Variants in RYR2 observed in about 807,000 individuals in gnomAD.
RYR2 encodes ryanodine receptor 2, also known as cardiac muscle ryanodine receptor-calcium release channel.
A neutral mutation model predicts 601.1 loss-of-function variants in RYR2; 227 were observed. That is an observed-to-expected ratio of 0.38 (90% CI 0.34 to 0.42). The LOEUF (loss-of-function observed/expected upper bound fraction) is 0.42, where lower values mean the gene tolerates loss of function less well. RYR2 is among the 10% of genes least tolerant of loss of function. The pLI, the probability that RYR2 is intolerant of heterozygous loss-of-function variation, is 1.00. For synonymous variants in RYR2, 2,223 were observed against 2,175.1 expected (o/e 1.02, Z -0.61); for missense variants, 4,646 against 6,156.5 (o/e 0.75, Z 8.21).
intron 1 of RYR2, among the ~76,000 whole-genome samples, chr1:237,103,013 A>G (rs988221500): frequency 5.4e-4 from 83 of 152,322 alleles, no homozygotes; most frequent in African/African-American, 1.9e-3. Context: ...TATGAAACAG[A>G]AACTCCACGA....
intron 4 of RYR2, among the ~76,000 whole-genome samples, chr1:237,363,215 C>CA (rs1699926892): frequency 6.6e-6 from 1 of 152,002 alleles, no homozygotes; most frequent in Admixed American, 6.6e-5. Flanking sequence ...GATATCTCTA[C>CA]CATTAGTGAG....
At chr1:237,706,154 C>CAT (rs367653398) in intron 67 of RYR2, among the ~76,000 whole-genome samples, 40 of 152,236 alleles carry the variant, frequency 2.6e-4, no homozygotes, top group African/African-American at 9.4e-4. Flanking sequence ...GAGGCTGAGG[C>CAT]ATGAGAATCG....
At chr1:237,527,233 C>T (rs1465685613) in intron 24 of RYR2, among the ~76,000 whole-genome samples, 1 of 152,120 alleles carries the variant, frequency 6.6e-6, no homozygotes, top group African/African-American at 2.4e-5. Context: ...CAATGTGATG[C>T]CTCTGGATTT....
At chr1:237,505,381 C>T (rs1043691331) in intron 22 of RYR2, among the ~76,000 whole-genome samples, 1 of 152,176 alleles carries the variant, frequency 6.6e-6, no homozygotes, top group Admixed American at 6.5e-5. Flanking sequence ...AGATCAAAGA[C>T]ATTGCTTCCA....
At chr1:237,206,468 TAAA>T (rs1681833523) in intron 1 of RYR2, among the ~76,000 whole-genome samples, 1 of 152,226 alleles carries the variant, frequency 6.6e-6, no homozygotes, top group African/African-American at 2.4e-5. Context: ...TTGTTGGATG[TAAA>T]AAAGAAAGTT....
chr1:237,045,041 TTGATAG>T (rs1660405903), intron 1 of RYR2, among the ~76,000 whole-genome samples: 1 of 152,080 alleles, frequency 6.6e-6, no homozygotes, highest in Non-Finnish European at 1.5e-5. Context: ...GGAAGAATTC[TTGATAG>T]TGATGGATGA....
intron 1 of RYR2, among the ~76,000 whole-genome samples, chr1:237,169,330 T>G (rs1677073765): frequency 6.6e-6 from 1 of 152,062 alleles, no homozygotes; most frequent in Middle Eastern, 3.4e-3. Flanking sequence ...GATGGAGTCT[T>G]GCTTTGTCGC....
intron 70 of RYR2, among the ~76,000 whole-genome samples, chr1:237,711,242 A>T (rs1170709814): frequency 6.6e-6 from 1 of 152,184 alleles, no homozygotes; most frequent in Non-Finnish European, 1.5e-5. Context: ...AAATTGGCTA[A>T]TGTGTTATGT....
chr1:237,525,241 T>TTA lies in RYR2; in HGVS notation c.2823-5186_2823-5185insTA, dbSNP rs533543457. ...ATGAAGTATTTAATTTTCTTTTAAA[T>TTA]GATGAGGATAATGGCCTCCAACTTT... is the stretch of plus-strand genomic sequence containing the variant. On this transcript the variant is annotated intron_variant, in intron 24 of 104. Coordinates refer to ENST00000366574, the MANE Select transcript of RYR2 (RefSeq NM_001035.3). Among the ~76,000 whole-genome samples the TTA allele has an allele frequency of 6.3e-3, 960 of 152,286 alleles. 8 individuals are homozygous for TTA. The highest frequency in any genetic ancestry group is 0.041 in the Middle Eastern group (12 of 294).
intron 25 of RYR2, among the ~76,000 whole-genome samples, chr1:237,531,838 C>T (rs1440419852): frequency 6.6e-6 from 1 of 152,122 alleles, no homozygotes; most frequent in African/African-American, 2.4e-5. Flanking sequence ...TTGAGTGTAT[C>T]TTATGAGCAC....
In RYR2 at chr1:237,543,285, G is replaced by A. The variant is rs369798618; in HGVS notation, c.2907-5146G>A. Among the ~76,000 whole-genome samples the A allele has an allele frequency of 3.3e-5, 5 of 152,176 alleles. No homozygotes were observed. In the East Asian group the frequency reaches 7.7e-4, roughly 24 times the overall value. On this transcript the variant is annotated intron_variant, in intron 25 of 104. Transcript: ENST00000366574. The stretch of plus-strand genomic sequence containing the variant: ...AAGTAAAAAGGAGTTTGGGGTCAGG[G>A]GAGTAGGGCACATCTTCATATTACA...
intron 1 of RYR2, among the ~76,000 whole-genome samples, chr1:237,197,523 T>A (rs1345910944): frequency 6.6e-6 from 1 of 152,210 alleles, no homozygotes; most frequent in African/African-American, 2.4e-5. Flanking sequence ...ACCTAACAGT[T>A]TTTATCACAA....
At chr1:237,701,319 T>G (rs1000788638) in intron 65 of RYR2, among the ~76,000 whole-genome samples, 3 of 152,168 alleles carry the variant, frequency 2.0e-5, no homozygotes, top group African/African-American at 7.2e-5. Flanking sequence ...TCAGCTGAAG[T>G]CAGGAGTTCG....
chr1:237,139,097 A>G (rs1440478145), intron 1 of RYR2, among the ~76,000 whole-genome samples: 1 of 152,248 alleles, frequency 6.6e-6, no homozygotes, highest in East Asian at 1.9e-4. Context: ...TCCTAGCAGC[A>G]TTATTCAGCC....
chr1:237,042,878 G>T (rs927007401), intron 1 of RYR2, among the ~76,000 whole-genome samples: 22 of 152,170 alleles, frequency 1.4e-4, no homozygotes, highest in African/African-American at 4.8e-4. Context: ...GCGGGAACCG[G>T]GAGAGGAGGG....
At chr1:237,136,319 G>A (rs560014867) in intron 1 of RYR2, among the ~76,000 whole-genome samples, 55 of 152,156 alleles carry the variant, frequency 3.6e-4, no homozygotes, top group Non-Finnish European at 7.1e-4. Context: ...TGCATAAGGG[G>A]CTGAATAACC....
At position 237,651,286 on chromosome 1, in the gene RYR2, T is replaced by A. The variant is rs1011788099; in HGVS notation, c.7734-125T>A. The A allele has an allele frequency of 1.3e-4, 91 of 684,246 alleles. No homozygotes were observed. The African/African-American group carries it at 1.5e-3, about 11-fold the overall frequency. The allele number at this position is 684,246 out of a possible 1,614,324, so 42.4% of individuals were successfully genotyped here. A position where few individuals can be genotyped will look rare whatever the true frequency, so the allele number is the denominator to read the frequency against. ...GGTTAATCTTTGGACAAAGAACATC[T>A]AATGAATACCATCTGAAGTGAGGTA... is the stretch of plus-strand genomic sequence containing the variant. On this transcript the variant is annotated intron_variant, in intron 50 of 104. Coordinates refer to ENST00000366574, the MANE Select transcript of RYR2 (RefSeq NM_001035.3).
chr1:237,110,725 C>T (rs141691203), intron 1 of RYR2, among the ~76,000 whole-genome samples: 10 of 152,320 alleles, frequency 6.6e-5, no homozygotes, highest in African/African-American at 2.4e-4. Flanking sequence ...TCTGCGTCAT[C>T]TCAGCTTCAT....
chr1:237,443,135 A>G (rs1272644650), intron 13 of RYR2, among the ~76,000 whole-genome samples: 2 of 151,350 alleles, frequency 1.3e-5, no homozygotes, highest in African/African-American at 2.4e-5. Context: ...CAAAGTACTC[A>G]TTTTTTTCTT....
Sources: allele counts gnomAD v4.1 joint callset (sites outside exome capture counted in the v4.1 genomes callset), GRCh38; gene constraint gnomAD v4.1.1; transcripts MANE v1.5; gene names NCBI Gene and HGNC (gene_info 2026-07-23, HGNC 2026-07-21).